Variants in CCDC148 observed in about 807,000 individuals in gnomAD.
CCDC148 encodes coiled-coil domain-containing protein 148.
Under a neutral mutation model 85.7 loss-of-function variants are expected in CCDC148, and 89 were observed. The observed-to-expected ratio is 1.04, with a 90% CI of 0.87 to 1.24. CCDC148 has a LOEUF of 1.24. Among genes scored for constraint, CCDC148 ranks in the 50% most tolerant of loss-of-function variants. The probability of loss-of-function intolerance (pLI) is 0.00; values close to 1 mark genes in which losing one functional copy is unlikely to be tolerated. For missense variants in CCDC148, 692 were observed against 671.7 expected (o/e 1.03, Z -0.33); for synonymous variants, 230 against 213.9 (o/e 1.08, Z -0.66).
At chr2:158,213,029 C>A (rs1408178379) in intron 11 of CCDC148, among the ~76,000 whole-genome samples, 2 of 152,082 alleles carry the variant, frequency 1.3e-5, no homozygotes, top group Non-Finnish European at 2.9e-5. Flanking sequence ...TAAGAATTTC[C>A]CAAAAATGTG....
intron 2 of CCDC148, among the ~76,000 whole-genome samples, chr2:158,348,864 A>G (rs1683124579): frequency 6.6e-6 from 1 of 152,100 alleles, no homozygotes; most frequent in South Asian, 2.1e-4. Flanking sequence ...GACAAGAAGT[A>G]TCTAAGCAAA....
In CCDC148 at chr2:158,240,470, A is replaced by T. The variant is rs1688308346; in HGVS notation, c.1251+10302T>A. ...CTCTCTCTCACACACACACACACAC[A>T]CACACACACACACACACACACCTCT... On this transcript the variant is annotated intron_variant, in intron 10 of 13. Transcript: ENST00000283233. Among the ~76,000 whole-genome samples the T allele has an allele frequency of 2.6e-5, 4 of 151,216 alleles. No individual in the cohort carries two copies. The South Asian group carries it at 8.4e-4, about 32-fold the overall frequency.
At chr2:158,338,497 G>A (rs539267398) in intron 7 of CCDC148, 2 of 369,536 alleles carry the variant, frequency 5.4e-6, no homozygotes, top group Non-Finnish European at 9.5e-6. Context: ...CTCAATAAGA[G>A]ACATTTTCAA....
At chr2:158,386,785 C>T (rs1014916204) in intron 1 of CCDC148, among the ~76,000 whole-genome samples, 11 of 152,144 alleles carry the variant, frequency 7.2e-5, no homozygotes, top group African/African-American at 2.7e-4. Flanking sequence ...TTCCCCTCAT[C>T]CTTCCCATAC....
At chr2:158,217,355 T>TATATAA (rs1558990118) in intron 11 of CCDC148, among the ~76,000 whole-genome samples, 3 of 112,654 alleles carry the variant, frequency 2.7e-5, no homozygotes, top group South Asian at 6.1e-4. Context: ...TATATATATA[T>TATATAA]AAAATTTTGT....
At position 158,423,315 on chromosome 2, in the gene CCDC148, A is replaced by G. The variant is rs1686899072; in HGVS notation, c.25+33100T>C. On this transcript the variant is annotated intron_variant, in intron 1 of 13. Coordinates refer to ENST00000283233, the MANE Select transcript of CCDC148 (RefSeq NM_138803.4). ...AGAACAAAGCTGGAGGCATCATGCT[A>G]CCTGACTTCAAACTATACTACAAGG... is the stretch of plus-strand genomic sequence containing the variant. 2.0e-5 allele frequency among the ~76,000 whole-genome samples: 3 copies of G among 152,334 alleles called. No homozygotes were observed. The South Asian group carries it at 6.2e-4, about 32-fold the overall frequency.
chr2:158,430,715 C>A (rs1035625982), intron 1 of CCDC148, among the ~76,000 whole-genome samples: 1 of 151,492 alleles, frequency 6.6e-6, no homozygotes, highest in Non-Finnish European at 1.5e-5. Flanking sequence ...TCACATGTAC[C>A]CTGAAAAATA....
chr2:158,256,627 T>C (rs986305309), intron 9 of CCDC148, among the ~76,000 whole-genome samples: 4 of 151,698 alleles, frequency 2.6e-5, no homozygotes, highest in Non-Finnish European at 4.4e-5. Flanking sequence ...ATATGAAAAA[T>C]TGCCATTTAT....
At chr2:158,207,204 C>G (rs566550200) in intron 11 of CCDC148, among the ~76,000 whole-genome samples, 22 of 152,124 alleles carry the variant, frequency 1.4e-4, no homozygotes, top group Non-Finnish European at 2.8e-4. Context: ...TGGGCTGAAG[C>G]GCAGGCATTC....
intron 1 of CCDC148, among the ~76,000 whole-genome samples, chr2:158,415,543 T>TA (rs1160485672): frequency 6.6e-6 from 1 of 152,244 alleles, no homozygotes; most frequent in Non-Finnish European, 1.5e-5. Context: ...CCCCAAGTCT[T>TA]AACTCATTTC....
At chr2:158,294,543 A>G (rs1691078015) in intron 9 of CCDC148, among the ~76,000 whole-genome samples, 3 of 152,108 alleles carry the variant, frequency 2.0e-5, no homozygotes, top group Admixed American at 1.3e-4. Context: ...AAAATCGTAT[A>G]AAGAACTGCC....
chr2:158,417,297 C>A (rs1686544459), intron 1 of CCDC148, among the ~76,000 whole-genome samples: 1 of 152,192 alleles, frequency 6.6e-6, no homozygotes, highest in South Asian at 2.1e-4. Flanking sequence ...CAAAGGAGTG[C>A]AAATAAGCAT....
At chr2:158,270,537 T>C (rs929445774) in intron 9 of CCDC148, among the ~76,000 whole-genome samples, 11 of 152,196 alleles carry the variant, frequency 7.2e-5, no homozygotes, top group Admixed American at 7.2e-4. Context: ...AATGTCCATA[T>C]AGAGAACAAT....
At chr2:158,331,268 A>G (rs1204076908) in intron 7 of CCDC148, among the ~76,000 whole-genome samples, 1 of 152,204 alleles carries the variant, frequency 6.6e-6, no homozygotes, top group Admixed American at 6.5e-5. Flanking sequence ...TTATGTACCC[A>G]GTAGTCATTC....
At chr2:158,323,214 T>C (rs988573108) in intron 7 of CCDC148, among the ~76,000 whole-genome samples, 5 of 152,218 alleles carry the variant, frequency 3.3e-5, no homozygotes, top group Admixed American at 3.3e-4. Flanking sequence ...CTGTCCAAGA[T>C]GTTAGCCCCT....
chr2:158,316,919 C>T (rs576427245), intron 7 of CCDC148, among the ~76,000 whole-genome samples: 1 of 152,194 alleles, frequency 6.6e-6, no homozygotes, highest in African/African-American at 2.4e-5. Flanking sequence ...AATATATTTG[C>T]ATTTCCAAGT....
At position 158,223,298 on chromosome 2, in the gene CCDC148, G is replaced by A. The variant is rs1405100623; in HGVS notation, c.1252-2585C>T. 4.6e-5 allele frequency among the ~76,000 whole-genome samples: 7 copies of A among 152,308 alleles called. No homozygotes were observed. The South Asian group carries it at 1.0e-3, about 23-fold the overall frequency. On this transcript the variant is annotated intron_variant, in intron 10 of 13. Coordinates refer to ENST00000283233, the MANE Select transcript of CCDC148 (RefSeq NM_138803.4). Reference sequence around the variant, plus strand: ...GACACCCGCCATTGCTGAGGCTTGAGTAGGTAAACAAAGCAGCCCAGAAGC... The same window carrying A: ...GACACCCGCCATTGCTGAGGCTTGAATAGGTAAACAAAGCAGCCCAGAAGC...
chr2:158,343,804 C>T (rs551810229), intron 3 of CCDC148, among the ~76,000 whole-genome samples: 20 of 152,282 alleles, frequency 1.3e-4, no homozygotes, highest in Non-Finnish European at 2.4e-4. Context: ...TGCAATTAGC[C>T]TGCATTCTAG....
At chr2:158,218,217 T>G (rs564702339) in intron 11 of CCDC148, among the ~76,000 whole-genome samples, 1 of 152,194 alleles carries the variant, frequency 6.6e-6, no homozygotes, top group African/African-American at 2.4e-5. Flanking sequence ...AAACATATCA[T>G]AGGCCCTTAA....
Sources: allele counts gnomAD v4.1 joint callset (sites outside exome capture counted in the v4.1 genomes callset), GRCh38; gene constraint gnomAD v4.1.1; transcripts MANE v1.5; gene names NCBI Gene and HGNC (gene_info 2026-07-23, HGNC 2026-07-21).